Variants in CHRM3 observed in about 807,000 individuals in gnomAD.
CHRM3 encodes the protein muscarinic acetylcholine receptor M3.
Under a neutral mutation model 41.8 loss-of-function variants are expected in CHRM3, and 11 were observed. The observed-to-expected ratio is 0.26, with a 90% CI of 0.17 to 0.44. The LOEUF (loss-of-function observed/expected upper bound fraction) is 0.44. Ranked by LOEUF, CHRM3 falls within the 20% of genes least tolerant of loss-of-function variation. The probability of loss-of-function intolerance (pLI) is 1.00; values close to 1 mark genes in which losing one functional copy is unlikely to be tolerated. For missense variants in CHRM3, 571 were observed against 745.4 expected (o/e 0.77, Z 2.72); for synonymous variants, 297 against 301.4 (o/e 0.99, Z 0.15).
intron 3 of CHRM3, among the ~76,000 whole-genome samples, chr1:239,591,914 A>G (rs1391878923): frequency 2.0e-5 from 3 of 152,168 alleles, no homozygotes; most frequent in Non-Finnish European, 4.4e-5. Context: ...CATGGGAGAC[A>G]TTTGGTTGGC....
chr1:239,823,741 G>A (rs575556394), intron 5 of CHRM3, among the ~76,000 whole-genome samples: 3 of 152,068 alleles, frequency 2.0e-5, no homozygotes, highest in Non-Finnish European at 2.9e-5. Flanking sequence ...CCAAAAAAGC[G>A]AACAACTCAA....
chr1:239,502,285 A>G (rs1572521358), intron 2 of CHRM3, among the ~76,000 whole-genome samples: 1 of 152,168 alleles, frequency 6.6e-6, no homozygotes, highest in Admixed American at 6.5e-5. Flanking sequence ...CAAAGCATCA[A>G]TCAAGGCTAC....
At chr1:239,737,072 T>C (rs941701789) in intron 5 of CHRM3, among the ~76,000 whole-genome samples, 2 of 152,176 alleles carry the variant, frequency 1.3e-5, no homozygotes, top group Non-Finnish European at 2.9e-5. Flanking sequence ...TAAGTATACA[T>C]GTGACTTAAT....
At chr1:239,584,108 C>CTT (rs769127124) in intron 3 of CHRM3, among the ~76,000 whole-genome samples, 4,643 of 124,368 alleles carry the variant, frequency 0.037, 359 homozygotes, top group African/African-American at 0.14. Context: ...TCTTCTTCTT[C>CTT]TTTTTTTTTT....
At chr1:239,902,262 C>A (rs938863166) in intron 6 of CHRM3, among the ~76,000 whole-genome samples, 2 of 152,108 alleles carry the variant, frequency 1.3e-5, no homozygotes, top group African/African-American at 4.8e-5. Context: ...CCTACAACAC[C>A]ACAATGCTTC....
intron 5 of CHRM3, among the ~76,000 whole-genome samples, chr1:239,820,875 A>G (rs1180313483): frequency 2.0e-5 from 3 of 152,232 alleles, no homozygotes; most frequent in Non-Finnish European, 4.4e-5. Context: ...TTATGTATCA[A>G]TGAAAAATAA....
intron 6 of CHRM3, among the ~76,000 whole-genome samples, chr1:239,836,972 T>C (rs1673374198): frequency 7.1e-6 from 1 of 140,616 alleles, no homozygotes; most frequent in South Asian, 2.2e-4. Context: ...AGACTCTGTC[T>C]TAAAAAAAAA....
intron 5 of CHRM3, among the ~76,000 whole-genome samples, chr1:239,716,958 C>T (rs186163839): frequency 1.3e-3 from 190 of 151,838 alleles, no homozygotes; most frequent in South Asian, 3.7e-3. Flanking sequence ...ATACTTGTTC[C>T]AGATAATAGT....
At chr1:239,675,953 C>G (rs1409255543) in intron 4 of CHRM3, among the ~76,000 whole-genome samples, 1 of 152,110 alleles carries the variant, frequency 6.6e-6, no homozygotes, top group Non-Finnish European at 1.5e-5. Flanking sequence ...CCAGAGGCTC[C>G]TTTAGATATT....
chr1:239,761,570 C>T (rs6703930), intron 5 of CHRM3, among the ~76,000 whole-genome samples: 78,376 of 151,992 alleles, frequency 0.52, 20,415 homozygotes, highest in East Asian at 0.61. Context: ...TTTTCTAGGC[C>T]TGCTTTTTAA....
intron 6 of CHRM3, among the ~76,000 whole-genome samples, chr1:239,894,100 T>C (rs939815398): frequency 3.9e-5 from 6 of 152,228 alleles, no homozygotes; most frequent in African/African-American, 1.2e-4. Flanking sequence ...AATAAAGCCA[T>C]AGGCATCAAA....
chr1:239,477,624 A>G (rs1283751579), intron 1 of CHRM3, among the ~76,000 whole-genome samples: 1 of 152,182 alleles, frequency 6.6e-6, no homozygotes, highest in Admixed American at 6.5e-5. Flanking sequence ...GAAGATCCCC[A>G]CCTTCACAAT....
chr1:239,884,243 G>A (rs952193733), intron 6 of CHRM3, among the ~76,000 whole-genome samples: 7 of 152,144 alleles, frequency 4.6e-5, no homozygotes, highest in South Asian at 4.1e-4. Context: ...ATGTGGGCCC[G>A]AAATCCAATA....
At chr1:239,789,739 A>ATGGT (rs1199008004) in intron 5 of CHRM3, among the ~76,000 whole-genome samples, 4 of 152,162 alleles carry the variant, frequency 2.6e-5, no homozygotes, top group Non-Finnish European at 5.9e-5. Flanking sequence ...CTATGACCCA[A>ATGGT]CCACCTCCCA....
At chr1:239,574,745 T>C (rs1662167446) in intron 3 of CHRM3, among the ~76,000 whole-genome samples, 1 of 152,144 alleles carries the variant, frequency 6.6e-6, no homozygotes, top group Non-Finnish European at 1.5e-5. Flanking sequence ...TTCTTTTCCC[T>C]CATGCTGCTC....
chr1:239,800,852 G>A (rs538127100), intron 5 of CHRM3, among the ~76,000 whole-genome samples: 1 of 152,252 alleles, frequency 6.6e-6, no homozygotes, highest in Admixed American at 6.5e-5. Context: ...ATTAAAAAAT[G>A]TGAGAAAAAT....
intron 3 of CHRM3, among the ~76,000 whole-genome samples, chr1:239,622,197 G>A (rs1668453765): frequency 6.6e-6 from 1 of 152,102 alleles, no homozygotes; most frequent in African/African-American, 2.4e-5. Flanking sequence ...ACTATTCACT[G>A]ACAATGCATC....
chr1:239,588,771 T>C (rs1663713152), intron 3 of CHRM3, among the ~76,000 whole-genome samples: 1 of 152,102 alleles, frequency 6.6e-6, no homozygotes, highest in Non-Finnish European at 1.5e-5. Flanking sequence ...TCTACAAAAT[T>C]TGCATAGACT....
At chr1:239,410,335 G>A (rs185285149) in intron 1 of CHRM3, among the ~76,000 whole-genome samples, 1 of 151,938 alleles carries the variant, frequency 6.6e-6, no homozygotes, top group East Asian at 1.9e-4. Flanking sequence ...GCAGCTTTCC[G>A]CCTCATGAAA....
Sources: gnomAD v4.1 joint callset for allele counts (sites outside exome capture counted in the v4.1 genomes callset) on GRCh38, gnomAD v4.1.1 for gene constraint, MANE v1.5 for transcripts, NCBI Gene and HGNC (gene_info 2026-07-23, HGNC 2026-07-21) for gene names.